The following SESTD1 variants were observed in gnomAD, a reference collection of about 807,000 sequenced individuals.
The protein encoded by SESTD1 is SEC14 domain and spectrin repeat-containing protein 1.
Under a neutral mutation model 101.7 loss-of-function variants are expected in SESTD1, and 43 were observed. That is an observed-to-expected ratio of 0.42 (90% CI 0.33 to 0.55). SESTD1 has a LOEUF of 0.55. Among genes scored for constraint, SESTD1 ranks in the 20% least tolerant of loss-of-function variants. The pLI is 0.07. For synonymous variants in SESTD1, 283 were observed against 286.8 expected, an observed-to-expected ratio of 0.99 and a Z score of 0.13; for missense variants, 647 against 815.1, an observed-to-expected ratio of 0.79 and a Z score of 2.51.
chr2:179,112,357 G>C (rs995963242), intron 17 of SESTD1, among the ~76,000 whole-genome samples: 5 of 152,132 alleles, frequency 3.3e-5, no homozygotes, highest in African/African-American at 1.2e-4. Context: ...TGTTTCACTT[G>C]GTACTTGGCA....
At chr2:179,167,533 G>A (rs1186197388) in intron 5 of SESTD1, among the ~76,000 whole-genome samples, 1 of 151,946 alleles carries the variant, frequency 6.6e-6, no homozygotes, top group Non-Finnish European at 1.5e-5. Flanking sequence ...GAAGTACAGA[G>A]AACACTAAGT....
intron 3 of SESTD1, among the ~76,000 whole-genome samples, chr2:179,177,572 C>T (rs896617220): frequency 4.6e-5 from 7 of 152,194 alleles, no homozygotes; most frequent in Non-Finnish European, 8.8e-5. Flanking sequence ...TTGGAGAAGT[C>T]ATGCCCTGTT....
At chr2:179,171,469 T>C (rs577682775) in intron 5 of SESTD1, among the ~76,000 whole-genome samples, 3 of 152,302 alleles carry the variant, frequency 2.0e-5, no homozygotes, top group South Asian at 2.1e-4. Flanking sequence ...TTATACCAGG[T>C]TGGAGTTAGT....
chr2:179,198,477 T>C (rs2046442182), intron 1 of SESTD1, among the ~76,000 whole-genome samples: 1 of 152,106 alleles, frequency 6.6e-6, no homozygotes, highest in Non-Finnish European at 1.5e-5. Flanking sequence ...TGCAGAACTC[T>C]CCACCCCAAA....
intron 5 of SESTD1, among the ~76,000 whole-genome samples, chr2:179,154,289 G>A (rs2045585334): frequency 6.8e-6 from 1 of 147,120 alleles, no homozygotes; most frequent in Non-Finnish European, 1.5e-5. Context: ...AAGGGAGGAA[G>A]GAAGGAAGAG....
rs999953152 is a variant in SESTD1 at position 179,106,071 on chromosome 2, T to G, written c.*3828A>C. On this transcript the variant is annotated 3_prime_UTR_variant, in exon 18 of 18. Transcript: ENST00000428443. ...TACTCCCAACTGAAGCTTTTCATTT[T>G]TAGGACTGAACGTTAACAATAAGTC... is the stretch of plus-strand genomic sequence containing the variant. The G allele has an allele frequency of 6.6e-6, 1 of 152,224 alleles. No individual in the cohort carries two copies. The highest frequency in any genetic ancestry group is 6.5e-5 in the Admixed American group (1 of 15,276). 9.4% of individuals were successfully genotyped at this position (152,224 alleles called of 1,614,324 possible). A position where few individuals can be genotyped will look rare whatever the true frequency, so the allele number is the denominator to read the frequency against.
chr2:179,132,419 T>A lies in SESTD1; in HGVS notation c.857A>T (p.Asn286Ile), dbSNP rs781639348. ...TTCTGATCCAGGCCCTTCTAGCCAG[T>A]TCACCACCTATAAACAAAAGTTGAG... ...EIQQKVMQVVNWLEGPGSEQL... is the reference protein window; with the variant it reads ...EIQQKVMQVVIWLEGPGSEQL... Residue 286 changes from asparagine to isoleucine, a missense_variant, in exon 10 of 18, where the codon AAC becomes ATC. By Grantham distance (149) the Asn-to-Ile change is moderately radical. Coordinates refer to ENST00000428443, the MANE Select transcript of SESTD1 (RefSeq NM_178123.5). The A allele has an allele frequency of 6.4e-7, 1 of 1,553,996 alleles. No homozygotes were observed. Among genetic ancestry groups the A allele is most frequent in the Non-Finnish European group, 8.6e-7 (1 of 1,160,822 alleles).
chr2:179,198,208 A>C (rs1414903286), intron 1 of SESTD1, among the ~76,000 whole-genome samples: 2 of 151,994 alleles, frequency 1.3e-5, no homozygotes, highest in Non-Finnish European at 2.9e-5. Flanking sequence ...CAAAAGAGAC[A>C]AGGCCATTAC....
intron 1 of SESTD1, among the ~76,000 whole-genome samples, chr2:179,230,062 C>A (rs561912542): frequency 6.9e-6 from 1 of 145,464 alleles, no homozygotes; most frequent in South Asian, 2.2e-4. Context: ...CCCCAAAAAA[C>A]CAACAACAAA....
chr2:179,199,176 C>T (rs1465943015), intron 1 of SESTD1, among the ~76,000 whole-genome samples: 1 of 152,028 alleles, frequency 6.6e-6, no homozygotes, highest in Admixed American at 6.6e-5. Flanking sequence ...ACTACAAACA[C>T]CTCTACGCAA....
intron 1 of SESTD1, among the ~76,000 whole-genome samples, chr2:179,253,483 C>T (rs975526428): frequency 6.6e-6 from 1 of 152,104 alleles, no homozygotes; most frequent in Non-Finnish European, 1.5e-5. Flanking sequence ...GGACGTTGTA[C>T]TATTTGGCAA....
intron 1 of SESTD1, among the ~76,000 whole-genome samples, chr2:179,197,506 G>C (rs1339768126): frequency 1.3e-5 from 2 of 152,118 alleles, no homozygotes; most frequent in Non-Finnish European, 2.9e-5. Context: ...ACACGTAATT[G>C]TCAGATTCAC....
At chr2:179,181,421 A>G (rs2046107093) in intron 3 of SESTD1, among the ~76,000 whole-genome samples, 2 of 152,206 alleles carry the variant, frequency 1.3e-5, no homozygotes, top group Admixed American at 6.5e-5. Context: ...AAAACCTAAC[A>G]TGTTCATGGA....
At chr2:179,241,708 G>A (rs1042048334) in intron 1 of SESTD1, among the ~76,000 whole-genome samples, 1 of 152,102 alleles carries the variant, frequency 6.6e-6, no homozygotes, top group Non-Finnish European at 1.5e-5. Context: ...AGATCACGAG[G>A]TCAGGAGATC....
chr2:179,151,014 A>C (rs552981183), intron 6 of SESTD1, among the ~76,000 whole-genome samples: 44 of 152,316 alleles, frequency 2.9e-4, no homozygotes, highest in African/African-American at 9.9e-4. Context: ...AGGTACTATT[A>C]CTATCACCAT....
In SESTD1 at chr2:179,206,095, C is replaced by G. The variant is rs768415987; in HGVS notation, c.-25-14229G>C. On this transcript the variant is annotated intron_variant, in intron 1 of 17. Transcript: ENST00000428443. ...TTGCAAAATACAACCAACACCACCACCACCTCCACAATAAAATGTTAAATA... is the reference window on the plus strand; with the variant it reads ...TTGCAAAATACAACCAACACCACCAGCACCTCCACAATAAAATGTTAAATA... Among the ~76,000 whole-genome samples the G allele has an allele frequency of 3.0e-5, 4 of 134,738 alleles. 1 individual carries two copies. The highest frequency in any genetic ancestry group is 6.4e-5 in the Non-Finnish European group (4 of 62,786). 88.4% of individuals were successfully genotyped at this position (134,738 alleles called of 152,430 possible). A position where few individuals can be genotyped will look rare whatever the true frequency, so the allele number is the denominator to read the frequency against.
At chr2:179,185,568 T>C (rs1223408477) in intron 2 of SESTD1, among the ~76,000 whole-genome samples, 1 of 132,636 alleles carries the variant, frequency 7.5e-6, no homozygotes, top group African/African-American at 2.9e-5. Flanking sequence ...TATATATGTA[T>C]ATAATATACT....
At chr2:179,122,987 T>G (rs1471069815) in intron 12 of SESTD1, among the ~76,000 whole-genome samples, 1 of 152,212 alleles carries the variant, frequency 6.6e-6, no homozygotes, top group Non-Finnish European at 1.5e-5. Context: ...TTTCAATAAT[T>G]TGGTTTAGTC....
chr2:179,176,401 T>C (rs2046012519), intron 4 of SESTD1, 47 bp downstream of exon 4: 6 of 1,410,592 alleles, frequency 4.3e-6, no homozygotes, highest in Non-Finnish European at 6.0e-6. Context: ...CCAGGATCTG[T>C]TGCTGTAAAA....
Sources: allele counts gnomAD v4.1 joint callset (sites outside exome capture counted in the v4.1 genomes callset), GRCh38; gene constraint gnomAD v4.1.1; transcripts MANE v1.5; gene names NCBI Gene and HGNC (gene_info 2026-07-23, HGNC 2026-07-21).